DIP2A: variants seen among roughly 807,000 people sequenced by gnomAD.
The protein encoded by DIP2A is DIP2 acetate--CoA ligase A.
A neutral mutation model predicts 177.4 loss-of-function variants in DIP2A; 85 were observed. The observed-to-expected ratio is 0.48, with a 90% CI of 0.40 to 0.57. The LOEUF (loss-of-function observed/expected upper bound fraction) is 0.57. Among genes scored for constraint, DIP2A ranks in the 20% least tolerant of loss-of-function variants. DIP2A has a pLI of 0.00. For synonymous variants in DIP2A, 886 were observed against 881.8 expected (o/e 1.00, Z -0.08); for missense variants, 1,791 against 2,100.2 (o/e 0.85, Z 2.88).
At position 46,537,375 on chromosome 21, in the gene DIP2A, C is replaced by T. The variant is rs948818948; in HGVS notation, c.1708-71C>T. 3 of 1,608,676 alleles carry T rather than the reference C, an allele frequency of 1.9e-6. No homozygotes were observed. Among genetic ancestry groups the T allele is most frequent in the Non-Finnish European group, 2.6e-6 (3 of 1,175,132 alleles). On this transcript the variant is annotated intron_variant, in intron 14 of 37. Coordinates refer to ENST00000417564, the MANE Select transcript of DIP2A (RefSeq NM_015151.4). This position sits in a 1 kb window ranked among gnomAD's most constrained non-coding sequence, Gnocchi z 4.1. Reference sequence around the variant, plus strand: ...TGCCTGAAATGTTGTTGGGAGAGTACATCGGTTTTGTTTTGCTTTTTCTGG... The same window carrying T: ...TGCCTGAAATGTTGTTGGGAGAGTATATCGGTTTTGTTTTGCTTTTTCTGG...
At chr21:46,534,753 C>G in intron 13 of DIP2A, 66 bp downstream of exon 13, 1 of 1,393,086 alleles carries the variant, frequency 7.2e-7, no homozygotes, top group Non-Finnish European at 9.9e-7. Context: ...CGTACCTAAT[C>G]ATGTGACTGT....
At chr21:46,479,204 G>A (rs1206950568) in intron 1 of DIP2A, among the ~76,000 whole-genome samples, 1 of 152,164 alleles carries the variant, frequency 6.6e-6, no homozygotes, top group Non-Finnish European at 1.5e-5. Flanking sequence ...GCTACTTGGT[G>A]ATTACTTTTT....
chr21:46,470,943 A>AAAG (rs1228307289), intron 1 of DIP2A, among the ~76,000 whole-genome samples: 1 of 152,040 alleles, frequency 6.6e-6, no homozygotes, highest in Non-Finnish European at 1.5e-5. Context: ...AAAAAAAAAA[A>AAAG]AAAAGAATTC....
intron 1 of DIP2A, among the ~76,000 whole-genome samples, chr21:46,460,971 G>A (rs1050780678): frequency 6.6e-6 from 1 of 151,746 alleles, no homozygotes; most frequent in Non-Finnish European, 1.5e-5. Context: ...TGGGATTACA[G>A]GCATGAGCCA....
chr21:46,470,034 A>G (rs1166619884), intron 1 of DIP2A, among the ~76,000 whole-genome samples: 2 of 152,212 alleles, frequency 1.3e-5, no homozygotes, highest in Non-Finnish European at 1.5e-5. Flanking sequence ...ATATACATTT[A>G]TTTAGTATAA....
intron 1 of DIP2A, among the ~76,000 whole-genome samples, chr21:46,478,965 TG>T (rs1385336150): frequency 6.6e-6 from 1 of 152,238 alleles, no homozygotes; most frequent in Non-Finnish European, 1.5e-5. Context: ...CTTTTGCATC[TG>T]GTAGGTAGAT....
Position 46,566,667 on chromosome 21 carries a change from A to G in DIP2A, c.4447A>G (p.Arg1483Gly), listed in dbSNP as rs1455446960. 1 of 1,614,214 alleles carries G rather than the reference A, an allele frequency of 6.2e-7. No homozygotes were observed. Among genetic ancestry groups the G allele is most frequent in the Non-Finnish European group, 8.5e-7 (1 of 1,180,024 alleles). ...TGAGACCTCTGTCATCCGAGCACAC[A>G]GGAGCATCGCTGAGTGGTAAGAGCC... ...DIETSVIRAHRSIAECAVFTW... is the reference protein window; with the variant it reads ...DIETSVIRAHGSIAECAVFTW... Residue 1483 changes from arginine to glycine, a missense_variant, in exon 37 of 38, where the codon AGG (arginine) becomes GGG (glycine). Physicochemically the swap from Arg to Gly is moderately radical, Grantham distance 125. Transcript: ENST00000417564.
Position 46,498,507 on chromosome 21 carries a change from C to A in DIP2A, c.404-75C>A. ...ATGCTGCACACAGGTCTGGGAGGCT[C>A]CAGTGTGAGTGGGAACTCCGTCCTC... On this transcript the variant is annotated intron_variant, in intron 4 of 37. Transcript: ENST00000417564. The surrounding 1 kb of genome is among the most constrained non-coding windows in gnomAD (Gnocchi z 4.3). 1 of 1,529,944 alleles carries A rather than the reference C, an allele frequency of 6.5e-7. No individual in the cohort carries two copies. 94.8% of individuals were successfully genotyped at this position (1,529,944 alleles called of 1,614,324 possible).
At chr21:46,487,801 A>G (rs748953177) in intron 2 of DIP2A, among the ~76,000 whole-genome samples, 4 of 152,250 alleles carry the variant, frequency 2.6e-5, no homozygotes, top group Non-Finnish European at 5.9e-5. Context: ...TTTGAAAGAA[A>G]TAACCAAGAC....
chr21:46,543,532 G>A (rs910661013), intron 18 of DIP2A, among the ~76,000 whole-genome samples: 5 of 19,298 alleles, frequency 2.6e-4, no homozygotes, highest in African/African-American at 6.7e-4. Flanking sequence ...CCAGGCGCGC[G>A]TGCAAAGCGC....
At chr21:46,543,527 C>T (rs527393701) in intron 18 of DIP2A, among the ~76,000 whole-genome samples, 3 of 29,090 alleles carry the variant, frequency 1.0e-4, no homozygotes, top group East Asian at 8.8e-4. Context: ...CTCTGCCAGG[C>T]GCGCGTGCAA....
intron 32 of DIP2A, chr21:46,558,635 A>C (rs1322097691): frequency 3.7e-6 from 2 of 547,330 alleles, no homozygotes; most frequent in Non-Finnish European, 3.3e-6. Context: ...GTGACTAATA[A>C]CTGTAAGACT....
At chr21:46,470,830 G>A (rs1270079134) in intron 1 of DIP2A, among the ~76,000 whole-genome samples, 2 of 150,868 alleles carry the variant, frequency 1.3e-5, no homozygotes, top group Admixed American at 6.6e-5. Flanking sequence ...TCAGGAGGCT[G>A]AGGCAGGAGA....
Position 46,458,989 on chromosome 21 carries a change from G to A in DIP2A, c.-143G>A. The A allele has an allele frequency of 1.6e-6, 1 of 613,506 alleles. No individual in the cohort carries two copies. 38.0% of individuals were successfully genotyped at this position (613,506 alleles called of 1,614,324 possible). ...GCGCGGGTGCGTTGCTGTCCTGGCC[G>A]CGCCCCTGTCCCGCCGCCTCCCGCT... is the stretch of plus-strand genomic sequence containing the variant. On this transcript the variant is annotated 5_prime_UTR_variant, in exon 1 of 38. Coordinates refer to ENST00000417564, the MANE Select transcript of DIP2A (RefSeq NM_015151.4).
chr21:46,498,482 A>T lies in DIP2A; in HGVS notation c.404-100A>T. The stretch of plus-strand genomic sequence containing the variant: ...AGAGCTGTGCCAGGTGTACAGAAGC[A>T]TGCTGCACACAGGTCTGGGAGGCTC... On this transcript the variant is annotated intron_variant, in intron 4 of 37. Coordinates refer to ENST00000417564, the MANE Select transcript of DIP2A (RefSeq NM_015151.4). This position sits in a 1 kb window ranked among gnomAD's most constrained non-coding sequence, Gnocchi z 4.3. 2 of 1,398,648 alleles carry T rather than the reference A, an allele frequency of 1.4e-6. No individual in the cohort carries two copies. The highest frequency in any genetic ancestry group is 1.9e-6 in the Non-Finnish European group (2 of 1,026,076). The allele number at this position is 1,398,648 out of a possible 1,614,324, so 86.6% of individuals were successfully genotyped here. A position where few individuals can be genotyped will look rare whatever the true frequency, so the allele number is the denominator to read the frequency against.
At chr21:46,541,330 C>G (rs180962441) in intron 17 of DIP2A, among the ~76,000 whole-genome samples, 13 of 152,290 alleles carry the variant, frequency 8.5e-5, no homozygotes, top group Admixed American at 2.0e-4. Flanking sequence ...GGGGCTGAGA[C>G]AGCTTTGTGT....
At position 46,539,988 on chromosome 21, in the gene DIP2A, G is replaced by T; in HGVS notation, c.2033G>T (p.Arg678Leu). Residue 678 changes from arginine to leucine, a missense_variant, in exon 17 of 38, where the codon CGC (arginine) becomes CTC (leucine). Arg to Leu is a moderately radical substitution (Grantham distance 102). Coordinates refer to ENST00000417564, the MANE Select transcript of DIP2A (RefSeq NM_015151.4). Reference protein sequence around the residue: ...SSPEALTVAIRRPPDLGGPPP... With the variant: ...SSPEALTVAILRPPDLGGPPP... ...CCTGAGGCGCTGACTGTCGCCATCCGCAGGTAACCTTATTCCTTGCTATGT... is the reference window on the plus strand; with the variant it reads ...CCTGAGGCGCTGACTGTCGCCATCCTCAGGTAACCTTATTCCTTGCTATGT... The T allele has an allele frequency of 6.2e-7, 1 of 1,613,018 alleles. No homozygotes were observed. Among genetic ancestry groups the T allele is most frequent in the Non-Finnish European group, 8.5e-7 (1 of 1,178,994 alleles).
intron 23 of DIP2A, among the ~76,000 whole-genome samples, chr21:46,551,396 C>T (rs1351784398): frequency 6.6e-6 from 1 of 152,172 alleles, no homozygotes; most frequent in Non-Finnish European, 1.5e-5. Context: ...CAAATCGTAT[C>T]CTCTGAGATG....
At chr21:46,495,244 T>TTCTTTCTCTCTCTC (rs2057274679) in intron 3 of DIP2A, among the ~76,000 whole-genome samples, 42 of 38,156 alleles carry the variant, frequency 1.1e-3, no homozygotes, top group Non-Finnish European at 1.3e-3. Flanking sequence ...CTTCTCTTCT[T>TTCTTTCTCTCTCTC]TCTCTCTCTC....
Sources: allele counts gnomAD v4.1 joint callset (sites outside exome capture counted in the v4.1 genomes callset), GRCh38; gene constraint gnomAD v4.1.1; non-coding constraint Gnocchi (gnomAD v3.1); transcripts MANE v1.5; gene names NCBI Gene and HGNC (gene_info 2026-07-23, HGNC 2026-07-21).